The following ATP8A1 variants were observed in gnomAD, a reference collection of about 807,000 sequenced individuals.
The protein encoded by ATP8A1 is ATPase phospholipid transporting 8A1.
A neutral mutation model predicts 177.7 loss-of-function variants in ATP8A1; 90 were observed. The ratio of observed to expected loss-of-function variants is 0.51; its 90% CI spans 0.43 to 0.60. The LOEUF (loss-of-function observed/expected upper bound fraction) is 0.60. Ranked by LOEUF, ATP8A1 falls within the 20% of genes least tolerant of loss-of-function variation. ATP8A1 has a pLI of 0.00. For missense variants in ATP8A1, 1,072 were observed against 1,392.8 expected, an observed-to-expected ratio of 0.77 and a Z score of 3.67; for synonymous variants, 493 against 485.9, an observed-to-expected ratio of 1.01 and a Z score of -0.19.
At chr4:42,594,539 T>C (rs1428329700) in intron 6 of ATP8A1, among the ~76,000 whole-genome samples, 1 of 152,060 alleles carries the variant, frequency 6.6e-6, no homozygotes, top group East Asian at 1.9e-4. Flanking sequence ...GGAGGAATCC[T>C]TTAAAAAAAA....
chr4:42,569,169 A>G lies in ATP8A1; in HGVS notation c.1332T>C (p.Pro444=), dbSNP rs1731657810. Residue 444 remains proline, a synonymous_variant, in exon 15 of 37, where the codon CCT becomes CCC. Coordinates refer to ENST00000381668, the MANE Select transcript of ATP8A1 (RefSeq NM_006095.2). ...VPEPEDYGCS[P]DEWQNSQFGD... Reference sequence around the variant, plus strand: ...AGTTCCATAGAGCTTACCATTCATCAGGAGAGCAGCCATAATCCTCAGGTT... The same window carrying G: ...AGTTCCATAGAGCTTACCATTCATCGGGAGAGCAGCCATAATCCTCAGGTT... The G allele has an allele frequency of 6.2e-7, 1 of 1,606,184 alleles. No individual in the cohort carries two copies.
intron 24 of ATP8A1, among the ~76,000 whole-genome samples, chr4:42,495,888 T>A (rs1354680806): frequency 1.3e-5 from 2 of 152,046 alleles, no homozygotes; most frequent in Non-Finnish European, 2.9e-5. Context: ...AGAAAAAAAA[T>A]TCCATGCTTT....
At chr4:42,574,415 C>T (rs544911810) in intron 14 of ATP8A1, among the ~76,000 whole-genome samples, 1 of 152,242 alleles carries the variant, frequency 6.6e-6, no homozygotes, top group South Asian at 2.1e-4. Context: ...GGGCAGAGCA[C>T]CCACCTCATG....
intron 1 of ATP8A1, among the ~76,000 whole-genome samples, chr4:42,634,323 T>C (rs896280709): frequency 2.0e-5 from 3 of 152,200 alleles, no homozygotes; most frequent in African/African-American, 7.2e-5. Flanking sequence ...TGACCCATAA[T>C]GTTTTATTTT....
At chr4:42,465,141 T>C in intron 25 of ATP8A1, 65 bp from the exon 26 acceptor site, 1 of 1,419,502 alleles carries the variant, frequency 7.0e-7, no homozygotes, top group South Asian at 1.3e-5. Flanking sequence ...TGCCATCGTG[T>C]TGAAGGATAA....
chr4:42,545,331 T>C (rs1204874663), intron 19 of ATP8A1, among the ~76,000 whole-genome samples: 4 of 152,158 alleles, frequency 2.6e-5, no homozygotes. Flanking sequence ...TCATGCCTCT[T>C]TTACTCCAGC....
At chr4:42,587,082 C>T (rs534381213) in intron 8 of ATP8A1, among the ~76,000 whole-genome samples, 1 of 152,110 alleles carries the variant, frequency 6.6e-6, no homozygotes, top group Non-Finnish European at 1.5e-5. Context: ...TTTAAAGTCC[C>T]TCTTAAAACT....
chr4:42,436,696 G>A (rs1283379447), intron 33 of ATP8A1, among the ~76,000 whole-genome samples: 1 of 152,104 alleles, frequency 6.6e-6, no homozygotes, highest in Non-Finnish European at 1.5e-5. Flanking sequence ...TTCCCTCCAG[G>A]CTACTTGGCT....
chr4:42,619,057 GT>G (rs36110616), intron 4 of ATP8A1, among the ~76,000 whole-genome samples: 2 of 148,388 alleles, frequency 1.3e-5, no homozygotes, highest in East Asian at 2.0e-4. Flanking sequence ...TGATTTTTTT[GT>G]TTTTTTTTTG....
chr4:42,467,543 A>T (rs1719917349), intron 25 of ATP8A1, among the ~76,000 whole-genome samples: 1 of 152,144 alleles, frequency 6.6e-6, no homozygotes, highest in African/African-American at 2.4e-5. Context: ...AATACAAAAA[A>T]TTAGCTAGGG....
At chr4:42,524,635 A>C in intron 21 of ATP8A1, 128 bp downstream of exon 21, 1 of 522,878 alleles carries the variant, frequency 1.9e-6, no homozygotes, top group Non-Finnish European at 3.3e-6. Context: ...AGTAAAATCT[A>C]AATTGCCAAC....
intron 5 of ATP8A1, among the ~76,000 whole-genome samples, chr4:42,602,623 G>A (rs1329308863): frequency 2.0e-5 from 3 of 152,032 alleles, no homozygotes; most frequent in Non-Finnish European, 4.4e-5. Flanking sequence ...AAAAAAATTA[G>A]CCAGGCATGG....
chr4:42,477,215 C>T (rs1435510965), intron 25 of ATP8A1, among the ~76,000 whole-genome samples: 1 of 152,158 alleles, frequency 6.6e-6, no homozygotes, highest in Non-Finnish European at 1.5e-5. Flanking sequence ...AAAGCAGAAA[C>T]TGAGAAAGGT....
chr4:42,552,190 A>G (rs1449314675), intron 17 of ATP8A1, among the ~76,000 whole-genome samples: 1 of 152,212 alleles, frequency 6.6e-6, no homozygotes, highest in Non-Finnish European at 1.5e-5. Flanking sequence ...CAGCTTGACT[A>G]AGAGTTCTTA....
rs575786398 is a variant in ATP8A1 at position 42,549,307 on chromosome 4, T to C, written c.1603-245A>G. ...ACCGAAGAGTTCTTAGAATATAACC[T>C]GTCCAGACAAGAGAATGGAGGGCTT... On this transcript the variant is annotated intron_variant, in intron 18 of 36. Transcript: ENST00000381668. Among the ~76,000 whole-genome samples, 39 of 152,244 alleles carry C rather than the reference T, an allele frequency of 2.6e-4. No homozygotes were observed. In the South Asian group the frequency reaches 2.7e-3, roughly 11 times the overall value.
At chr4:42,544,377 T>C (rs1728686008) in intron 19 of ATP8A1, among the ~76,000 whole-genome samples, 1 of 152,146 alleles carries the variant, frequency 6.6e-6, no homozygotes, top group Non-Finnish European at 1.5e-5. Flanking sequence ...TACAAATCAA[T>C]TGTTATTAAA....
At chr4:42,589,078 G>T (rs1733906638) in intron 7 of ATP8A1, among the ~76,000 whole-genome samples, 1 of 152,250 alleles carries the variant, frequency 6.6e-6, no homozygotes, top group Middle Eastern at 3.4e-3. Context: ...AATCTGGTGT[G>T]TGGCGGCTGG....
At chr4:42,637,713 T>C (rs770146895) in intron 1 of ATP8A1, among the ~76,000 whole-genome samples, 26 of 152,226 alleles carry the variant, frequency 1.7e-4, no homozygotes, top group Admixed American at 1.3e-3. Flanking sequence ...CATGCATTCA[T>C]TCAACAATTA....
chr4:42,555,085 G>GTATC (rs200520162), intron 16 of ATP8A1, among the ~76,000 whole-genome samples: 1,846 of 119,500 alleles, frequency 0.015, 75 homozygotes, highest in East Asian at 0.026. Context: ...CTTTGTGTGT[G>GTATC]TATCTATCTA....
Sources: gnomAD v4.1 joint callset for allele counts (sites outside exome capture counted in the v4.1 genomes callset) on GRCh38, gnomAD v4.1.1 for gene constraint, MANE v1.5 for transcripts, NCBI Gene and HGNC (gene_info 2026-07-23, HGNC 2026-07-21) for gene names.